PSMF1: variants seen among roughly 807,000 people sequenced by gnomAD.
The protein encoded by PSMF1 is proteasome inhibitor subunit 1.
PSMF1 carries 30 observed loss-of-function variants against 29.3 expected under a neutral mutation model. That is an observed-to-expected ratio of 1.02 (90% CI 0.77 to 1.39). PSMF1 has a LOEUF of 1.39. Ranked by LOEUF, PSMF1 falls within the 40% of genes most tolerant of loss-of-function variation. The pLI is 0.00. For missense variants in PSMF1, 344 were observed against 357.5 expected, an observed-to-expected ratio of 0.96 and a Z score of 0.31; for synonymous variants, 134 against 139.7, an observed-to-expected ratio of 0.96 and a Z score of 0.29.
At chr20:1,117,445 T>C (rs1030167799), upstream of PSMF1, among the ~76,000 whole-genome samples, 9 of 152,116 alleles carry the variant, frequency 5.9e-5, no homozygotes, top group East Asian at 1.9e-4. Flanking sequence ...CCGGGTTCGA[T>C]TGATTCTCAT....
In PSMF1 at chr20:1,118,619, C is replaced by T. The variant is rs890839282; in HGVS notation, c.-155C>T. On this transcript the variant is annotated 5_prime_UTR_variant, in exon 1 of 7. Coordinates refer to ENST00000335877, the MANE Select transcript of PSMF1 (RefSeq NM_006814.5). The stretch of plus-strand genomic sequence containing the variant: ...CTACTTCCGGCTTCCCCGCCCCGCC[C>T]CGTCCCCGGGCGTCTCCATTTTGGT... 32 of 914,132 alleles carry T rather than the reference C, an allele frequency of 3.5e-5. No homozygotes were observed. Among genetic ancestry groups the T allele is most frequent in the Non-Finnish European group, 4.7e-5 (30 of 641,910 alleles). 56.6% of individuals were successfully genotyped at this position (914,132 alleles called of 1,614,324 possible).
At chr20:1,140,275 AT>A (rs2086364682) in intron 4 of PSMF1, among the ~76,000 whole-genome samples, 1 of 152,250 alleles carries the variant, frequency 6.6e-6, no homozygotes, top group African/African-American at 2.4e-5. Flanking sequence ...AGGAAATAGA[AT>A]TGAGAGTCTA....
At chr20:1,118,575 G>C, upstream of PSMF1, 1 of 575,840 alleles carries the variant, frequency 1.7e-6, no homozygotes, top group Non-Finnish European at 2.8e-6. Flanking sequence ...GCCTCACGCA[G>C]TTGCGCCCGC....
At chr20:1,131,363 G>T (rs1415899554) in intron 3 of PSMF1, among the ~76,000 whole-genome samples, 1 of 152,162 alleles carries the variant, frequency 6.6e-6, no homozygotes, top group Non-Finnish European at 1.5e-5. Flanking sequence ...TATGTGTTGT[G>T]TTTTGTTTTG....
At chr20:1,143,946 G>A (rs185783783) in intron 4 of PSMF1, among the ~76,000 whole-genome samples, 341 of 152,128 alleles carry the variant, frequency 2.2e-3, no homozygotes, top group African/African-American at 8.0e-3. Flanking sequence ...TAAAATTAGC[G>A]GGTGTGGTGG....
chr20:1,115,120 A>C (rs1287261292), upstream of PSMF1, among the ~76,000 whole-genome samples: 31 of 83,640 alleles, frequency 3.7e-4, no homozygotes, highest in Admixed American at 9.2e-4. Flanking sequence ...TGTTGAACCA[A>C]GGGGTGGGGG....
At chr20:1,147,999 T>C (rs2086476986) in intron 4 of PSMF1, among the ~76,000 whole-genome samples, 1 of 152,186 alleles carries the variant, frequency 6.6e-6, no homozygotes, top group Non-Finnish European at 1.5e-5. Context: ...CTCCTTCCCA[T>C]AGGACACAGT....
At chr20:1,134,888 G>C (rs1339241444) in intron 3 of PSMF1, 3 of 614,318 alleles carry the variant, frequency 4.9e-6, no homozygotes, top group Non-Finnish European at 8.9e-6. Flanking sequence ...TGGTAAACAA[G>C]GAGGGGCAAC....
intron 1 of PSMF1, among the ~76,000 whole-genome samples, chr20:1,119,995 C>T (rs1028322752): frequency 6.6e-6 from 1 of 152,062 alleles, no homozygotes; most frequent in African/African-American, 2.4e-5. Flanking sequence ...TTAATTCTCC[C>T]CTCCTGACAT....
intron 4 of PSMF1, among the ~76,000 whole-genome samples, chr20:1,157,728 C>T (rs1484211817): frequency 6.6e-6 from 1 of 151,632 alleles, no homozygotes; most frequent in Non-Finnish European, 1.5e-5. Context: ...TCTGTATTCC[C>T]TTTGCCTTCA....
chr20:1,161,664 C>CG, intron 4 of PSMF1: 1 of 671,508 alleles, frequency 1.5e-6, no homozygotes, highest in Non-Finnish European at 2.8e-6. Flanking sequence ...TATGACAAGT[C>CG]GGGCCCCTCC....
intron 1 of PSMF1, among the ~76,000 whole-genome samples, chr20:1,122,879 A>G (rs2086107842): frequency 6.6e-6 from 1 of 152,208 alleles, no homozygotes; most frequent in South Asian, 2.1e-4. Context: ...AATTGTTTAT[A>G]TTCCAAGAGA....
intron 4 of PSMF1, among the ~76,000 whole-genome samples, chr20:1,156,013 C>A (rs925493827): frequency 2.0e-5 from 3 of 152,122 alleles, no homozygotes; most frequent in African/African-American, 7.2e-5. Context: ...AATGCTCCAG[C>A]AAGTGAGGGC....
intron 3 of PSMF1, among the ~76,000 whole-genome samples, chr20:1,133,571 T>TATATATATATA (rs1568469077): frequency 2.3e-5 from 1 of 44,104 alleles, no homozygotes; most frequent in African/African-American, 8.2e-5. Context: ...ATATATATAT[T>TATATATATATA]TTTTTTTTTT....
chr20:1,146,008 T>C (rs2086444545), intron 4 of PSMF1, among the ~76,000 whole-genome samples: 16 of 152,242 alleles, frequency 1.1e-4, no homozygotes, highest in Admixed American at 1.0e-3. Flanking sequence ...CTGTGCATTG[T>C]ACATTTTTGG....
At chr20:1,128,012 A>T (rs1490388644) in intron 3 of PSMF1, among the ~76,000 whole-genome samples, 2 of 152,216 alleles carry the variant, frequency 1.3e-5, no homozygotes, top group Non-Finnish European at 2.9e-5. Flanking sequence ...TAATGAGTCT[A>T]CATTGACACA....
At chr20:1,118,956 C>CA in intron 1 of PSMF1, 54 bp downstream of exon 1, 1 of 1,597,534 alleles carries the variant, frequency 6.3e-7, no homozygotes, top group Non-Finnish European at 8.5e-7. Flanking sequence ...TGCCCAAACT[C>CA]AGAGTACCGG....
At chr20:1,123,808 G>A (rs577189093) in intron 1 of PSMF1, among the ~76,000 whole-genome samples, 1 of 152,300 alleles carries the variant, frequency 6.6e-6, no homozygotes, top group African/African-American at 2.4e-5. Context: ...CCACCAGCAG[G>A]GACTGGAGGT....
In PSMF1 at chr20:1,118,674, C is replaced by G. The variant is rs1311492828; in HGVS notation, c.-100C>G. On this transcript the variant is annotated 5_prime_UTR_variant, in exon 1 of 7. Coordinates refer to ENST00000335877, the MANE Select transcript of PSMF1 (RefSeq NM_006814.5). ...GGTGTGGACTCGGCAAGAACCAGCG[C>G]AAGAGGGAAGCAGAGTTATAGCTAC... The G allele has an allele frequency of 2.1e-6, 3 of 1,396,046 alleles. No homozygotes were observed. Among genetic ancestry groups the G allele is most frequent in the Non-Finnish European group, 2.9e-6 (3 of 1,036,484 alleles). 86.5% of individuals were successfully genotyped at this position (1,396,046 alleles called of 1,614,324 possible).
Sources: allele counts gnomAD v4.1 joint callset (sites outside exome capture counted in the v4.1 genomes callset), GRCh38; gene constraint gnomAD v4.1.1; transcripts MANE v1.5; gene names NCBI Gene and HGNC (gene_info 2026-07-23, HGNC 2026-07-21).